PRH1: variants seen among roughly 807,000 people sequenced by gnomAD.
The protein encoded by PRH1 is proline rich protein HaeIII subfamily 1, also known as salivary acidic proline-rich phosphoprotein 1/2.
A neutral mutation model predicts 7.9 loss-of-function variants in PRH1; 7 were observed. That is an observed-to-expected ratio of 0.89 (90% CI 0.50 to 1.67). The LOEUF (loss-of-function observed/expected upper bound fraction) is 1.67. Among genes scored for constraint, PRH1 ranks in the 40% most tolerant of loss-of-function variants. PRH1 has a pLI of 0.00. For synonymous variants in PRH1, 45 were observed against 80.8 expected (o/e 0.56, Z 2.38); for missense variants, 109 against 223.6 (o/e 0.49, Z 3.27).
upstream of PRH1, among the ~76,000 whole-genome samples, chr12:10,887,803 C>G (rs1949515326): frequency 6.6e-6 from 1 of 152,134 alleles, no homozygotes; most frequent in Non-Finnish European, 1.5e-5. Context: ...TTTCTCTTCT[C>G]TTTGTAATTC....
At chr12:11,147,407 C>T (rs61931279) in intron 1 of PRH1, among the ~76,000 whole-genome samples, 69,201 of 151,924 alleles carry the variant, frequency 0.46, 16,561 homozygotes, top group Non-Finnish European at 0.53. Flanking sequence ...AGGCTGGTCT[C>T]GAGCCCCTGG....
At chr12:11,065,737 C>G (rs1268848063) in intron 1 of PRH1, among the ~76,000 whole-genome samples, 1 of 152,144 alleles carries the variant, frequency 6.6e-6, no homozygotes, top group African/African-American at 2.4e-5. Flanking sequence ...ATTTTTAGCA[C>G]ACCTGACATG....
intron 1 of PRH1, among the ~76,000 whole-genome samples, chr12:11,027,844 A>G (rs574215322): frequency 6.6e-6 from 1 of 152,356 alleles, no homozygotes; most frequent in Non-Finnish European, 1.5e-5. Context: ...TCTTCAGCAG[A>G]CAAGTATCCT....
At chr12:11,153,874 T>A (rs1282153347) in intron 1 of PRH1, among the ~76,000 whole-genome samples, 1 of 152,064 alleles carries the variant, frequency 6.6e-6, no homozygotes, top group African/African-American at 2.4e-5. Context: ...ATAATACATA[T>A]AATGTGAATT....
intron 1 of PRH1, among the ~76,000 whole-genome samples, chr12:10,985,269 T>G (rs1939555620): frequency 6.6e-6 from 1 of 152,140 alleles, no homozygotes; most frequent in Admixed American, 6.5e-5. Context: ...GTATTAAGTC[T>G]ATTATTCCTC....
intron 1 of PRH1, among the ~76,000 whole-genome samples, chr12:11,063,642 A>G (rs569290779): frequency 1.3e-5 from 2 of 152,216 alleles, no homozygotes; most frequent in East Asian, 3.9e-4. Flanking sequence ...TGATAAATCA[A>G]CTCTGCTAAA....
chr12:10,965,067 T>A, intron 2 of PRH1: 1 of 1,123,928 alleles, frequency 8.9e-7, no homozygotes, highest in Non-Finnish European at 1.3e-6. Flanking sequence ...GCAACCCAGA[T>A]GCTGAAATGG....
chr12:11,039,492 T>C (rs1942609471), intron 1 of PRH1, among the ~76,000 whole-genome samples: 1 of 152,266 alleles, frequency 6.6e-6, no homozygotes, highest in South Asian at 2.1e-4. Flanking sequence ...TCTACTAGCA[T>C]GCCAATGAAG....
intron 1 of PRH1, among the ~76,000 whole-genome samples, chr12:11,037,646 C>CAATAATA (rs1480316927): frequency 6.6e-6 from 1 of 152,184 alleles, no homozygotes; most frequent in Non-Finnish European, 1.5e-5. Context: ...AAGTGTCTAT[C>CAATAATA]AATAATAAAT....
At chr12:11,001,280 C>T (rs1406348181) in intron 1 of PRH1, among the ~76,000 whole-genome samples, 1 of 152,050 alleles carries the variant, frequency 6.6e-6, no homozygotes, top group Admixed American at 6.6e-5. Context: ...ATTATAGCAC[C>T]TCAACCCTAG....
At chr12:10,989,511 T>C (rs575447805) in intron 1 of PRH1, among the ~76,000 whole-genome samples, 2 of 152,150 alleles carry the variant, frequency 1.3e-5, no homozygotes, top group Non-Finnish European at 2.9e-5. Flanking sequence ...TTCACAGACA[T>C]AGAAAATTCC....
chr12:10,922,855 T>C lies in PRH1; in HGVS notation c.-58-38580A>G, dbSNP rs1277387710. Among the ~76,000 whole-genome samples the C allele has an allele frequency of 6.7e-4, 61 of 91,656 alleles. 1 individual carries two copies. Among genetic ancestry groups the C allele is most frequent in the Non-Finnish European group, 1.1e-3 (45 of 42,686 alleles). 60.1% of individuals were successfully genotyped at this position (91,656 alleles called of 152,430 possible). A position where few individuals can be genotyped will look rare whatever the true frequency, so the allele number is the denominator to read the frequency against. On this transcript the variant is annotated intron_variant, in intron 2 of 3. Transcript: ENST00000539853. ...TCTTTTTTTTGAGACGGAGTCTCGC[T>C]CTGTCGCCCAGGCCGGACTGCGGAC...
At chr12:11,062,008 T>C (rs766906541) in intron 1 of PRH1, 32 of 1,613,810 alleles carry the variant, frequency 2.0e-5, no homozygotes, top group Non-Finnish European at 2.5e-5. Flanking sequence ...AGCAAGCCAG[T>C]TGCTGAAATG....
chr12:11,060,685 C>A (rs1943558206), intron 1 of PRH1, among the ~76,000 whole-genome samples: 1 of 152,020 alleles, frequency 6.6e-6, no homozygotes, highest in African/African-American at 2.4e-5. Flanking sequence ...TGTATTAAAT[C>A]TAATATTCCT....
chr12:10,974,689 T>C (rs1939005395), intron 1 of PRH1, among the ~76,000 whole-genome samples: 1 of 152,094 alleles, frequency 6.6e-6, no homozygotes, highest in Non-Finnish European at 1.5e-5. Context: ...CCCACACAGA[T>C]GAGAAAGAAT....
chr12:10,937,856 A>C (rs1271400027), intron 2 of PRH1: 1 of 156,822 alleles, frequency 6.4e-6, no homozygotes, highest in Admixed American at 6.5e-5. Flanking sequence ...CACTTAATAT[A>C]GGTACTAAAA....
In PRH1 at chr12:10,884,195, A is replaced by G; in HGVS notation, c.23T>C (p.Val8Ala). The G allele has an allele frequency of 1.2e-6, 2 of 1,614,184 alleles. No individual in the cohort carries two copies. Among genetic ancestry groups the G allele is most frequent in the Non-Finnish European group, 8.5e-7 (1 of 1,180,014 alleles). The change falls in exon 1 of 4, where the codon GTG (valine) becomes GCG (alanine). Residue 8 changes from valine (V) to alanine (A), a missense_variant. Transcript: ENST00000543626. The part of the protein sequence containing the change: MLLILLS[V>A]ALLAFSSAQD... ...AGCTGAGCTGAAGGCCAGCAGGGCC[A>G]CTGACAGCAGAATCAGAAGCATCTT... is the stretch of plus-strand genomic sequence containing the variant.
upstream of PRH1, among the ~76,000 whole-genome samples, chr12:10,886,467 A>T (rs74994922): frequency 5.3e-5 from 8 of 152,328 alleles, no homozygotes; most frequent in East Asian, 1.5e-3. Context: ...GCGAGAGACT[A>T]GTGTATCAGG....
rs553563384 is a variant in PRH1 at position 11,104,399 on chromosome 12, G to A, written n.124-57211C>T. Among the ~76,000 whole-genome samples the A allele has an allele frequency of 9.2e-5, 14 of 151,974 alleles. No individual in the cohort carries two copies. The East Asian group carries it at 9.7e-4, about 11-fold the overall frequency. On this transcript the variant is annotated intron_variant and non_coding_transcript_variant, in intron 1 of 4. Coordinates refer to the PRH1 transcript ENST00000541977. ...AAAAATAAAGTTTTTCAAACTTTAC[G>A]TCAATGAGATTACAGTAAATGTATT...
Sources: allele counts gnomAD v4.1 joint callset (sites outside exome capture counted in the v4.1 genomes callset), GRCh38; gene constraint gnomAD v4.1.1; transcripts MANE v1.5; gene names NCBI Gene and HGNC (gene_info 2026-07-23, HGNC 2026-07-21).